ANKRD28: variants seen among roughly 807,000 people sequenced by gnomAD.
ANKRD28 encodes the protein serine/threonine-protein phosphatase 6 regulatory ankyrin repeat subunit A.
ANKRD28 carries 44 observed loss-of-function variants against 126.5 expected under a neutral mutation model. That is an observed-to-expected ratio of 0.35 (90% confidence interval 0.27 to 0.45). The LOEUF (loss-of-function observed/expected upper bound fraction) is 0.45, where lower values mean the gene tolerates loss of function less well. Among genes scored for constraint, ANKRD28 ranks in the 20% least tolerant of loss-of-function variants. The pLI is 1.00. For missense variants in ANKRD28, 1,110 were observed against 1,316.6 expected, an observed-to-expected ratio of 0.84 and a Z score of 2.43; for synonymous variants, 442 against 468.5, an observed-to-expected ratio of 0.94 and a Z score of 0.73.
chr3:15,809,426 C>G (rs1402984047), intron 1 of ANKRD28, among the ~76,000 whole-genome samples: 1 of 152,206 alleles, frequency 6.6e-6, no homozygotes, highest in African/African-American at 2.4e-5. Context: ...CCAAGCCTGA[C>G]CAGAGTACTA....
chr3:15,736,886 G>T, intron 5 of ANKRD28, 147 bp downstream of exon 5: 1 of 784,462 alleles, frequency 1.3e-6, no homozygotes, highest in Middle Eastern at 2.9e-4. Context: ...CTAAATTTGA[G>T]AAAGTTATAA....
intron 2 of ANKRD28, among the ~76,000 whole-genome samples, chr3:15,767,017 G>C (rs980531851): frequency 6.6e-6 from 1 of 152,112 alleles, no homozygotes; most frequent in Non-Finnish European, 1.5e-5. Context: ...CGGGGGATTC[G>C]ACATTATACT....
chr3:15,796,660 A>C lies in ANKRD28; in HGVS notation c.-139T>G. ...ACAGCTGGGTTTTTTTTTTTTTTAA[A>C]GTTAATAAGTACTACTGGAAAAACA... On this transcript the variant is annotated 5_prime_UTR_variant, in exon 1 of 28. Transcript: ENST00000683139. The C allele has an allele frequency of 4.5e-6, 4 of 891,994 alleles. No homozygotes were observed. The highest frequency in any genetic ancestry group is 5.4e-6 in the Non-Finnish European group (4 of 734,310). The allele number at this position is 891,994 out of a possible 1,614,324, so 55.3% of individuals were successfully genotyped here.
chr3:15,772,680 A>C (rs988075191), intron 2 of ANKRD28, among the ~76,000 whole-genome samples: 31 of 152,172 alleles, frequency 2.0e-4, no homozygotes, highest in African/African-American at 7.5e-4. Flanking sequence ...TTTTAAAAAA[A>C]TTATTTATTT....
At position 15,816,513 on chromosome 3, in the gene ANKRD28, A is replaced by G. The variant is rs1471141630; in HGVS notation, c.28-21207T>C. ...TTACAATTTAAAAAACACTACACAG[A>G]AATATTCAAGTAAGAAAGTTTTATT... On this transcript the variant is annotated intron_variant, in intron 1 of 27. Transcript: ENST00000399451. The surrounding 1 kb of genome is among the most constrained non-coding windows in gnomAD (Gnocchi z 5.0). 6.6e-6 allele frequency among the ~76,000 whole-genome samples: 1 copy of G among 152,238 alleles called. No homozygotes were observed. The highest frequency in any genetic ancestry group is 1.9e-4 in the East Asian group (1 of 5,204).
chr3:15,749,994 C>T (rs149234997), intron 4 of ANKRD28, among the ~76,000 whole-genome samples: 440 of 152,316 alleles, frequency 2.9e-3, no homozygotes, highest in Middle Eastern at 0.017. Flanking sequence ...AATTAAGAAA[C>T]TTACTAGGAT....
At chr3:15,767,032 A>G (rs2058771443) in intron 2 of ANKRD28, among the ~76,000 whole-genome samples, 1 of 152,238 alleles carries the variant, frequency 6.6e-6, no homozygotes, top group South Asian at 2.1e-4. Flanking sequence ...TATACTTTAA[A>G]GCAATTTTAA....
chr3:15,730,395 A>T (rs1018582130), intron 6 of ANKRD28, among the ~76,000 whole-genome samples: 7 of 152,208 alleles, frequency 4.6e-5, no homozygotes, highest in African/African-American at 1.7e-4. Flanking sequence ...ATTCAATAGC[A>T]TAAGTATAAG....
At position 15,830,444 on chromosome 3, in the gene ANKRD28, A is replaced by G. The variant is rs896646771; in HGVS notation, c.27+28933T>C. ...ACTCCTGTCAGAGTAGCGCAGCATT[A>G]GATTCTCATAGGACTGCCAATCCTA... is the stretch of plus-strand genomic sequence containing the variant. On this transcript the variant is annotated intron_variant, in intron 1 of 27. Transcript: ENST00000399451. This position sits in a 1 kb window ranked among gnomAD's most constrained non-coding sequence, Gnocchi z 4.5. Among the ~76,000 whole-genome samples, 4 of 152,266 alleles carry G rather than the reference A, an allele frequency of 2.6e-5. No individual in the cohort carries two copies. In the East Asian group the frequency reaches 5.8e-4, roughly 22 times the overall value.
intron 2 of ANKRD28, among the ~76,000 whole-genome samples, chr3:15,771,734 C>A (rs560222809): frequency 4.6e-5 from 7 of 152,252 alleles, no homozygotes; most frequent in African/African-American, 1.7e-4. Flanking sequence ...GGACAAACAT[C>A]CAAACGATAT....
chr3:15,854,867 G>A lies in ANKRD28; in HGVS notation c.27+4510C>T, dbSNP rs917777876. Among the ~76,000 whole-genome samples the A allele has an allele frequency of 6.6e-6, 1 of 152,064 alleles. No homozygotes were observed. Among genetic ancestry groups the A allele is most frequent in the African/African-American group, 2.4e-5 (1 of 41,402 alleles). On this transcript the variant is annotated intron_variant, in intron 1 of 27. Coordinates refer to the ANKRD28 transcript ENST00000399451. The surrounding 1 kb of genome is among the most constrained non-coding windows in gnomAD (Gnocchi z 4.1). The stretch of plus-strand genomic sequence containing the variant: ...AGATTGAGACTATCCTGGCCAACAT[G>A]GTGAAACCCCGTCTCTACTAAAATT...
At chr3:15,792,388 T>A (rs1033711427) in intron 2 of ANKRD28, among the ~76,000 whole-genome samples, 3 of 152,128 alleles carry the variant, frequency 2.0e-5, no homozygotes, top group African/African-American at 7.2e-5. Context: ...TCGTCAGCCA[T>A]AAAAAAACAG....
At position 15,812,628 on chromosome 3, in the gene ANKRD28, G is replaced by A. The variant is rs78365384; in HGVS notation, c.28-17322C>T. On this transcript the variant is annotated intron_variant, in intron 1 of 27. Transcript: ENST00000399451. The surrounding 1 kb of genome is among the most constrained non-coding windows in gnomAD (Gnocchi z 4.1). ...TTGCTTACCAATTATCCAAATGCTCGTTTGGGAACAGAATTAGGATAGGGG... is the reference window on the plus strand; with the variant it reads ...TTGCTTACCAATTATCCAAATGCTCATTTGGGAACAGAATTAGGATAGGGG... Among the ~76,000 whole-genome samples the A allele has an allele frequency of 0.012, 1,869 of 152,202 alleles. 21 individuals carry two copies. The highest frequency in any genetic ancestry group is 0.02 in the Middle Eastern group (6 of 294).
At chr3:15,740,446 T>C (rs2075371577) in intron 4 of ANKRD28, among the ~76,000 whole-genome samples, 1 of 152,178 alleles carries the variant, frequency 6.6e-6, no homozygotes, top group African/African-American at 2.4e-5. Flanking sequence ...AAACAAGGTA[T>C]AAACACTATC....
At chr3:15,807,447 C>A (rs116570803) in intron 1 of ANKRD28, among the ~76,000 whole-genome samples, 2 of 152,290 alleles carry the variant, frequency 1.3e-5, no homozygotes, top group Non-Finnish European at 2.9e-5. Flanking sequence ...TTTATAAATG[C>A]CATGGACATA....
intron 14 of ANKRD28, among the ~76,000 whole-genome samples, chr3:15,698,641 C>G (rs1389795736): frequency 6.6e-6 from 1 of 152,030 alleles, no homozygotes; most frequent in Non-Finnish European, 1.5e-5. Context: ...CCATTCACAA[C>G]TGCTACAAAG....
At chr3:15,848,845 C>T (rs1031024093) in intron 1 of ANKRD28, among the ~76,000 whole-genome samples, 5 of 152,012 alleles carry the variant, frequency 3.3e-5, no homozygotes, top group African/African-American at 1.2e-4. Context: ...TACTGAACAC[C>T]GTACTGGAGG....
rs1216504109 is a variant in ANKRD28, at chr3:15,700,888, G to C, written c.1548-4643C>G. On this transcript the variant is annotated intron_variant, in intron 14 of 27. Coordinates refer to ENST00000683139, the MANE Select transcript of ANKRD28 (RefSeq NM_001349278.2). ...GATCTTGGGCCATAAAAGTGAAATA[G>C]CCTCTGTTTATTCATTTGATACATG... 2.0e-5 allele frequency among the ~76,000 whole-genome samples: 3 copies of C among 152,098 alleles called. No homozygotes were observed. The East Asian group carries it at 5.8e-4, about 29-fold the overall frequency.
At position 15,859,580 on chromosome 3, in the gene ANKRD28, CCCGCCGCCGCCGCCGCCGCCG is replaced by C. The variant is rs564654804; in HGVS notation, c.-198_-178del. On this transcript the variant is annotated 5_prime_UTR_variant, in exon 1 of 28. Transcript: ENST00000399451. The stretch of plus-strand genomic sequence containing the variant: ...GGGGGCGGCGCCGCCTCCCCGGCCG[CCCGCCGCCGCCGCCGCCGCCG>C]CCGCCGCCGAGAGGTGAGGTGCCCG... The C allele has an allele frequency of 3.1e-5, 7 of 228,736 alleles. 1 individual carries two copies. The highest frequency in any genetic ancestry group is 5.1e-5 in the Non-Finnish European group (7 of 138,060). The allele number at this position is 228,736 out of a possible 1,614,324, so 14.2% of individuals were successfully genotyped here.
Sources: gnomAD v4.1 joint callset for allele counts (sites outside exome capture counted in the v4.1 genomes callset) on GRCh38, gnomAD v4.1.1 for gene constraint, Gnocchi (gnomAD v3.1) non-coding constraint, MANE v1.5 for transcripts, NCBI Gene and HGNC (gene_info 2026-07-23, HGNC 2026-07-21) for gene names.